LINGO2: variants seen among roughly 807,000 people sequenced by gnomAD.
LINGO2 encodes leucine rich repeat and Ig domain containing 2.
In LINGO2, 14 loss-of-function variants were observed where a neutral mutation model predicts 30.6. The observed-to-expected ratio is 0.46, with a 90% CI of 0.30 to 0.72. The LOEUF is 0.72. Ranked by LOEUF, LINGO2 falls within the 30% of genes least tolerant of loss-of-function variation. LINGO2 has a pLI of 0.07. For missense variants in LINGO2, 729 were observed against 751.7 expected, an observed-to-expected ratio of 0.97 and a Z score of 0.35; for synonymous variants, 317 against 288.5, an observed-to-expected ratio of 1.10 and a Z score of -1.00.
chr9:28,360,779 C>T (rs995210192), intron 3 of LINGO2, among the ~76,000 whole-genome samples: 2 of 152,164 alleles, frequency 1.3e-5, no homozygotes, highest in African/African-American at 4.8e-5. Flanking sequence ...ATAGATGCTG[C>T]CTGCTTCCTG....
At chr9:28,618,399 C>T (rs1348200975) in intron 1 of LINGO2, among the ~76,000 whole-genome samples, 8 of 152,160 alleles carry the variant, frequency 5.3e-5, no homozygotes, top group African/African-American at 9.7e-5. Flanking sequence ...GCTATCCACA[C>T]ACAAACCACC....
rs73429519 is a variant in LINGO2 at position 28,231,732 on chromosome 9, G to C, written c.-87+63476C>G. On this transcript the variant is annotated intron_variant, in intron 4 of 5. Coordinates refer to ENST00000379992, the Ensembl canonical transcript of LINGO2. ...AAGTCTTATCCCTCACCAAATCCTTGTTAGGTAAGTATGGTAAAGATGCCA... is the reference window on the plus strand; with the variant it reads ...AAGTCTTATCCCTCACCAAATCCTTCTTAGGTAAGTATGGTAAAGATGCCA... 8.7e-3 allele frequency among the ~76,000 whole-genome samples: 1,326 copies of C among 152,048 alleles called. 24 individuals are homozygous for C. Among genetic ancestry groups the C allele is most frequent in the African/African-American group, 0.03 (1,249 of 41,488 alleles).
chr9:29,122,179 T>C, the LINGO2 span, among the ~76,000 whole-genome samples: 1 of 152,186 alleles, frequency 6.6e-6, no homozygotes, highest in East Asian at 1.9e-4. Context: ...ATAATAACAT[T>C]ATTTCATTCC....
chr9:28,148,089 G>T lies in LINGO2; in HGVS notation c.-86-135684C>A, dbSNP rs1387053489. 3 of 1,102,610 alleles carry T rather than the reference G, an allele frequency of 2.7e-6. No individual in the cohort carries two copies. Among genetic ancestry groups the T allele is most frequent in the East Asian group, 5.5e-5 (1 of 18,176 alleles). 68.3% of individuals were successfully genotyped at this position (1,102,610 alleles called of 1,614,324 possible). A position where few individuals can be genotyped will look rare whatever the true frequency, so the allele number is the denominator to read the frequency against. On this transcript the variant is annotated intron_variant, in intron 4 of 5. Coordinates refer to ENST00000379992, the Ensembl canonical transcript of LINGO2. This position sits in a 1 kb window ranked among gnomAD's most constrained non-coding sequence, Gnocchi z 5.1. ...GTCCATGAGGCCTTCCCAGCTGGCCGGGCTAACCCCGCGGCTCCTGCACCT... is the reference window on the plus strand; with the variant it reads ...GTCCATGAGGCCTTCCCAGCTGGCCTGGCTAACCCCGCGGCTCCTGCACCT...
intron 2 of LINGO2, among the ~76,000 whole-genome samples, chr9:28,390,008 G>T (rs1047229562): frequency 3.3e-5 from 5 of 152,070 alleles, no homozygotes; most frequent in African/African-American, 1.2e-4. Context: ...CCCTTAAAGA[G>T]CCATTACACC....
intron 4 of LINGO2, among the ~76,000 whole-genome samples, chr9:28,228,840 A>T (rs1372148209): frequency 6.6e-6 from 1 of 151,770 alleles, no homozygotes; most frequent in South Asian, 2.1e-4. Context: ...TTAAATTTCT[A>T]TATTTTTAAA....
intron 4 of LINGO2, among the ~76,000 whole-genome samples, chr9:28,221,695 T>C (rs545449342): frequency 3.9e-5 from 6 of 152,288 alleles, no homozygotes; most frequent in Non-Finnish European, 8.8e-5. Context: ...ATTTAATGCT[T>C]TACTTTTACA....
Position 28,377,790 on chromosome 9 carries a change from G to A in LINGO2, c.-278-4922C>T, listed in dbSNP as rs76474858. ...TCAGAAAACTTAAAAGATTAGTTACGGAACAAGGGCTTACATTTTCTGCAA... is the reference window on the plus strand; with the variant it reads ...TCAGAAAACTTAAAAGATTAGTTACAGAACAAGGGCTTACATTTTCTGCAA... On this transcript the variant is annotated intron_variant, in intron 2 of 5. Coordinates refer to ENST00000379992, the Ensembl canonical transcript of LINGO2. 1.0e-3 allele frequency among the ~76,000 whole-genome samples: 158 copies of A among 152,112 alleles called. 1 individual carries two copies. Among genetic ancestry groups the A allele is most frequent in the East Asian group, 4.2e-3 (22 of 5,182 alleles).
intron 2 of LINGO2, among the ~76,000 whole-genome samples, chr9:28,429,735 A>G (rs137884468): frequency 1.3e-5 from 2 of 152,134 alleles, no homozygotes; most frequent in South Asian, 2.1e-4. Flanking sequence ...CCATTTTCTC[A>G]TTTCTCTATC....
the LINGO2 span, among the ~76,000 whole-genome samples, chr9:28,930,913 CT>C: frequency 6.6e-6 from 1 of 152,136 alleles, no homozygotes; most frequent in African/African-American, 2.4e-5. The surrounding 1 kb of genome is among the most constrained non-coding windows in gnomAD (Gnocchi z 4.2). Context: ...TACTCTACTG[CT>C]TTTCATTATA....
the LINGO2 span, among the ~76,000 whole-genome samples, chr9:28,731,722 C>T: frequency 6.6e-6 from 1 of 152,038 alleles, no homozygotes; most frequent in Admixed American, 6.6e-5. Flanking sequence ...TAAAGATACA[C>T]ATATATACAC....
At chr9:28,590,338 C>G (rs1388736820) in intron 1 of LINGO2, among the ~76,000 whole-genome samples, 1 of 151,896 alleles carries the variant, frequency 6.6e-6, no homozygotes, top group Non-Finnish European at 1.5e-5. Context: ...TTCTGCACAG[C>G]AAAAGAAACT....
intron 4 of LINGO2, among the ~76,000 whole-genome samples, chr9:28,135,877 A>G (rs185192088): frequency 6.6e-6 from 1 of 152,146 alleles, no homozygotes; most frequent in Admixed American, 6.5e-5. Context: ...TATCTCAAAC[A>G]CAACTATCTC....
chr9:28,919,117 T>C, the LINGO2 span, among the ~76,000 whole-genome samples: 3 of 152,184 alleles, frequency 2.0e-5, no homozygotes, highest in African/African-American at 7.2e-5. Flanking sequence ...CTGGGAGATA[T>C]TTGTCTTCCT....
chr9:28,474,332 T>C (rs1410296881), intron 2 of LINGO2, among the ~76,000 whole-genome samples: 1 of 152,150 alleles, frequency 6.6e-6, no homozygotes, highest in African/African-American at 2.4e-5. Flanking sequence ...GTAAACTGCT[T>C]TGAACTGACA....
rs1341455598 is a variant in LINGO2, at chr9:28,129,150, T to C, written c.-86-116745A>G. 6.6e-6 allele frequency among the ~76,000 whole-genome samples: 1 copy of C among 152,186 alleles called. No homozygotes were observed. The highest frequency in any genetic ancestry group is 2.4e-5 in the African/African-American group (1 of 41,454). On this transcript the variant is annotated intron_variant, in intron 4 of 5. Coordinates refer to ENST00000379992, the Ensembl canonical transcript of LINGO2. This position sits in a 1 kb window ranked among gnomAD's most constrained non-coding sequence, Gnocchi z 4.0. ...AAGCCTGCACTGTCAACTTCCCTAC[T>C]TTTGAGGCTTTGGGACTCGGGCTGA...
the LINGO2 span, among the ~76,000 whole-genome samples, chr9:29,082,284 C>T: frequency 3.3e-5 from 5 of 152,292 alleles, no homozygotes; most frequent in African/African-American, 1.2e-4. Flanking sequence ...CACACATCTA[C>T]AACCATCTGA....
At chr9:28,874,760 T>C in the LINGO2 span, among the ~76,000 whole-genome samples, 1 of 152,138 alleles carries the variant, frequency 6.6e-6, no homozygotes, top group African/African-American at 2.4e-5. Context: ...GCTTTACTTT[T>C]ATGGAGACTT....
In LINGO2 at chr9:28,380,403, T is replaced by TTTTCC. The variant is rs1554713845; in HGVS notation, c.-278-7536_-278-7535insGGAAA. 3.4e-3 allele frequency among the ~76,000 whole-genome samples: 516 copies of TTTTCC among 150,476 alleles called. 4 individuals carry two copies. Among genetic ancestry groups the TTTTCC allele is most frequent in the Non-Finnish European group, 3.8e-3 (256 of 67,554 alleles). ...ATGACTATAAAGGTTTTTTTTTTTT[T>TTTTCC]CCAATGGTAAGAGTCTTTAAAATAC... On this transcript the variant is annotated intron_variant, in intron 2 of 5. Coordinates refer to ENST00000379992, the Ensembl canonical transcript of LINGO2.
Sources: allele counts gnomAD v4.1 joint callset (sites outside exome capture counted in the v4.1 genomes callset), GRCh38; gene constraint gnomAD v4.1.1; non-coding constraint Gnocchi (gnomAD v3.1); transcripts MANE v1.5; gene names NCBI Gene and HGNC (gene_info 2026-07-23, HGNC 2026-07-21).